SLC22A23: variants seen among roughly 807,000 people sequenced by gnomAD.
SLC22A23 encodes the protein ion transporter protein.
A neutral mutation model predicts 61.0 loss-of-function variants in SLC22A23; 26 were observed. The ratio of observed to expected loss-of-function variants is 0.43; its 90% confidence interval spans 0.31 to 0.59. SLC22A23 has a LOEUF of 0.59. Ranked by LOEUF, SLC22A23 falls within the 20% of genes least tolerant of loss-of-function variation. The pLI is 0.11. For missense variants in SLC22A23, 796 were observed against 934.7 expected, an observed-to-expected ratio of 0.85 and a Z score of 1.94; for synonymous variants, 430 against 413.9, an observed-to-expected ratio of 1.04 and a Z score of -0.47.
At chr6:3,418,844 G>A (rs930138781) in intron 1 of SLC22A23, among the ~76,000 whole-genome samples, 26 of 152,228 alleles carry the variant, frequency 1.7e-4, no homozygotes, top group Non-Finnish European at 2.2e-4. Flanking sequence ...AGGCACCGCC[G>A]TTTAGCAGGG....
At chr6:3,450,449 G>GGC (rs1297089468) in intron 1 of SLC22A23, among the ~76,000 whole-genome samples, 1 of 152,176 alleles carries the variant, frequency 6.6e-6, no homozygotes, top group African/African-American at 2.4e-5. Flanking sequence ...TGGGAATACA[G>GGC]ACGTAAACCA....
Position 3,328,321 on chromosome 6 carries a change from T to C in SLC22A23, c.914-4319A>G, listed in dbSNP as rs1014229571. 2.0e-5 allele frequency among the ~76,000 whole-genome samples: 3 copies of C among 152,010 alleles called. No individual in the cohort carries two copies. The highest frequency in any genetic ancestry group is 7.3e-5 in the African/African-American group (3 of 41,348). On this transcript the variant is annotated intron_variant, in intron 3 of 9. Transcript: ENST00000406686. The surrounding 1 kb of genome is among the most constrained non-coding windows in gnomAD (Gnocchi z 5.0). ...CGGAGGCTTTGATAGAAAAGTGGCA[T>C]TGTTAGGAGGCCACAGCTCTGGGAG... is the stretch of plus-strand genomic sequence containing the variant.
At position 3,285,060 on chromosome 6, in the gene SLC22A23, C is replaced by T. The variant is rs371712863; in HGVS notation, c.1579+19G>A. The T allele has an allele frequency of 1.2e-6, 2 of 1,612,396 alleles. No homozygotes were observed. The highest frequency in any genetic ancestry group is 1.7e-6 in the Non-Finnish European group (2 of 1,179,162). On this transcript the variant is annotated intron_variant, in intron 8 of 9. Transcript: ENST00000406686. ...GTAATATGAGACGAGGAAGCACAGC[C>T]CACGCGCTTGGGACTCACCTGAGTC...
At chr6:3,337,854 C>T (rs1344396887) in intron 3 of SLC22A23, among the ~76,000 whole-genome samples, 2 of 152,230 alleles carry the variant, frequency 1.3e-5, no homozygotes, top group East Asian at 3.8e-4. Context: ...TGCAAATATG[C>T]TACTTTCGCA....
At chr6:3,337,779 G>A (rs977475004) in intron 3 of SLC22A23, among the ~76,000 whole-genome samples, 12 of 152,238 alleles carry the variant, frequency 7.9e-5, no homozygotes, top group African/African-American at 4.8e-5. Flanking sequence ...TTTCCAATTC[G>A]TGAAAGGAAT....
chr6:3,393,968 G>A (rs1476340396), intron 3 of SLC22A23, among the ~76,000 whole-genome samples: 1 of 152,092 alleles, frequency 6.6e-6, no homozygotes, highest in East Asian at 1.9e-4. Context: ...GCAAACATTC[G>A]CTTCTACCGT....
Position 3,285,128 on chromosome 6 carries a change from G to A in SLC22A23, c.1547-17C>T, listed in dbSNP as rs1186810573. ...TTCCAATCACTGGACCCGCAGACAT[G>A]ATCGCACCCACACGGACAAGGGCCA... On this transcript the variant is annotated splice_polypyrimidine_tract_variant and intron_variant, in intron 7 of 9. Transcript: ENST00000406686. 6.2e-7 allele frequency: 1 copy of A among 1,613,320 alleles called. No homozygotes were observed. The highest frequency in any genetic ancestry group is 8.5e-7 in the Non-Finnish European group (1 of 1,179,608).
intron 3 of SLC22A23, among the ~76,000 whole-genome samples, chr6:3,332,615 G>A (rs2127411274): frequency 6.6e-6 from 1 of 152,192 alleles, no homozygotes; most frequent in East Asian, 1.9e-4. Context: ...TTTTAAATCA[G>A]ATTCCTGAAA....
At chr6:3,406,144 C>G (rs1768811565) in intron 3 of SLC22A23, among the ~76,000 whole-genome samples, 2 of 151,856 alleles carry the variant, frequency 1.3e-5, no homozygotes, top group South Asian at 4.2e-4. Context: ...TGGTGGGGGG[C>G]AGTTAGAAGT....
chr6:3,369,489 G>A (rs1194894323), intron 3 of SLC22A23, among the ~76,000 whole-genome samples: 1 of 152,132 alleles, frequency 6.6e-6, no homozygotes, highest in Admixed American at 6.5e-5. Context: ...TGAAGAGTTC[G>A]AGACCAGCCT....
rs763156046 is a variant in SLC22A23, at chr6:3,283,849, C to T, written c.1703+3G>A. 34 of 1,613,536 alleles carry T rather than the reference C, an allele frequency of 2.1e-5. No homozygotes were observed. The highest frequency in any genetic ancestry group is 2.8e-5 in the Non-Finnish European group (33 of 1,179,838). ...GTCCCCTGGGGTGTCTCCCATGACGCACCTTATCACCGTCGGGGTGATCTC... is the reference window on the plus strand; with the variant it reads ...GTCCCCTGGGGTGTCTCCCATGACGTACCTTATCACCGTCGGGGTGATCTC... On this transcript the variant is annotated splice_donor_region_variant and intron_variant, in intron 9 of 9. Transcript: ENST00000406686.
chr6:3,275,445 TA>T (rs1758803531), intron 9 of SLC22A23, among the ~76,000 whole-genome samples: 1 of 152,032 alleles, frequency 6.6e-6, no homozygotes, highest in Admixed American at 6.6e-5. Flanking sequence ...GTAGGATCCA[TA>T]AAAGAAAAAG....
intron 4 of SLC22A23, among the ~76,000 whole-genome samples, chr6:3,320,072 G>A (rs1177204294): frequency 2.6e-5 from 4 of 152,168 alleles, no homozygotes; most frequent in African/African-American, 7.2e-5. Context: ...CAGAGGCCTG[G>A]GAGCTCAGCT....
intron 3 of SLC22A23, among the ~76,000 whole-genome samples, chr6:3,338,857 T>A (rs1764000297): frequency 6.6e-6 from 1 of 152,234 alleles, no homozygotes. Flanking sequence ...TGCTCTTGTC[T>A]GAGAACATTA....
chr6:3,280,415 C>T (rs1398280364), intron 9 of SLC22A23, among the ~76,000 whole-genome samples: 1 of 151,444 alleles, frequency 6.6e-6, no homozygotes, highest in African/African-American at 2.4e-5. Flanking sequence ...ACAGGCGCTG[C>T]CGGCATGGGA....
intron 1 of SLC22A23, among the ~76,000 whole-genome samples, chr6:3,449,155 T>C (rs1298626786): frequency 6.6e-6 from 1 of 152,210 alleles, no homozygotes; most frequent in Non-Finnish European, 1.5e-5. Context: ...TTTATCCTAA[T>C]AGCTCAGAAA....
intron 3 of SLC22A23, among the ~76,000 whole-genome samples, chr6:3,339,062 A>C (rs1191068178): frequency 6.6e-6 from 1 of 152,244 alleles, no homozygotes; most frequent in Non-Finnish European, 1.5e-5. Flanking sequence ...CAGAGGGAAG[A>C]GCAGGGTCGA....
rs1001499889 is a variant in SLC22A23, at chr6:3,372,645, C to T, written c.913+37543G>A. On this transcript the variant is annotated intron_variant, in intron 3 of 9. Transcript: ENST00000406686. This position sits in a 1 kb window ranked among gnomAD's most constrained non-coding sequence, Gnocchi z 4.7. The stretch of plus-strand genomic sequence containing the variant: ...GCCCTCAGCATGGACTGCAGCCTCC[C>T]AGCTCAGCTGGGAGCAGCAGGTGAG... Among the ~76,000 whole-genome samples, 2 of 151,584 alleles carry T rather than the reference C, an allele frequency of 1.3e-5. No homozygotes were observed. Among genetic ancestry groups the T allele is most frequent in the Non-Finnish European group, 3.0e-5 (2 of 67,550 alleles).
intron 4 of SLC22A23, among the ~76,000 whole-genome samples, chr6:3,321,580 TA>T (rs370975505): frequency 2.0e-5 from 3 of 148,580 alleles, no homozygotes; most frequent in African/African-American, 4.9e-5. Context: ...TTTCTAAAAT[TA>T]AAAAAAAAAC....
Sources: gnomAD v4.1 joint callset for allele counts (sites outside exome capture counted in the v4.1 genomes callset) on GRCh38, gnomAD v4.1.1 for gene constraint, Gnocchi (gnomAD v3.1) non-coding constraint, MANE v1.5 for transcripts, NCBI Gene and HGNC (gene_info 2026-07-23, HGNC 2026-07-21) for gene names.